Variants in SLC25A13 observed in about 807,000 individuals in gnomAD.
SLC25A13 encodes the protein solute carrier family 25 member 13, also known as electrogenic aspartate/glutamate antiporter SLC25A13, mitochondrial.
A neutral mutation model predicts 85.5 loss-of-function variants in SLC25A13; 70 were observed. The ratio of observed to expected loss-of-function variants is 0.82; its 90% CI spans 0.68 to 1.00. SLC25A13 has a LOEUF of 1.00. SLC25A13 is among the 50% of genes least tolerant of loss of function. The pLI is 0.00. For synonymous variants in SLC25A13, 259 were observed against 288.7 expected, an observed-to-expected ratio of 0.90 and a Z score of 1.04; for missense variants, 765 against 819.8, an observed-to-expected ratio of 0.93 and a Z score of 0.82.
At chr7:96,136,995 T>A (rs934252123) in intron 14 of SLC25A13, among the ~76,000 whole-genome samples, 1 of 152,300 alleles carries the variant, frequency 6.6e-6, no homozygotes, top group Middle Eastern at 3.4e-3. Context: ...TTATTTGGCA[T>A]GTATAATTAT....
At chr7:96,238,968 A>G (rs1193862761) in intron 3 of SLC25A13, among the ~76,000 whole-genome samples, 1 of 149,152 alleles carries the variant, frequency 6.7e-6, no homozygotes, top group Non-Finnish European at 1.5e-5. Context: ...AGGAGACCAT[A>G]TACATATGCA....
chr7:96,272,692 CT>C (rs1443798606), intron 3 of SLC25A13, among the ~76,000 whole-genome samples: 1 of 152,158 alleles, frequency 6.6e-6, no homozygotes, highest in Non-Finnish European at 1.5e-5. Context: ...TAAGGGCATA[CT>C]GGTAATGGAG....
chr7:96,158,408 T>C (rs1008791112), intron 13 of SLC25A13, among the ~76,000 whole-genome samples: 4 of 152,222 alleles, frequency 2.6e-5, no homozygotes, highest in Admixed American at 6.5e-5. Context: ...ATTTCAACTA[T>C]ATTTTAAACT....
chr7:96,145,028 A>G (rs927026591), intron 14 of SLC25A13, among the ~76,000 whole-genome samples: 1 of 152,156 alleles, frequency 6.6e-6, no homozygotes, highest in Non-Finnish European at 1.5e-5. Context: ...AAATTGATCA[A>G]TGCTATGCCT....
chr7:96,192,023 A>G (rs1794873965), intron 6 of SLC25A13, among the ~76,000 whole-genome samples: 1 of 152,226 alleles, frequency 6.6e-6, no homozygotes, highest in Non-Finnish European at 1.5e-5. Flanking sequence ...TAACAACCAC[A>G]TAAATCTTCA....
chr7:96,297,686 C>G (rs1405850608), intron 1 of SLC25A13, among the ~76,000 whole-genome samples: 10 of 152,082 alleles, frequency 6.6e-5, no homozygotes, highest in Admixed American at 6.6e-4. Flanking sequence ...CATATTAACT[C>G]AAGGGAGTTA....
rs56203026 is a variant in SLC25A13 at position 96,307,140 on chromosome 7, T to TAA, written c.16-10191_16-10190dup. Among the ~76,000 whole-genome samples the TAA allele has an allele frequency of 1.8e-3, 267 of 149,202 alleles. 1 individual carries two copies. The highest frequency in any genetic ancestry group is 0.014 in the Middle Eastern group (4 of 286). On this transcript the variant is annotated intron_variant, in intron 1 of 17. Transcript: ENST00000265631. ...AAAGTATAAAGGTAGCTTTGTAATT[T>TAA]AAAAAAAAAAATAAAGAAAATTAAG...
chr7:96,177,368 T>G (rs1206780376), intron 11 of SLC25A13, among the ~76,000 whole-genome samples: 1 of 152,152 alleles, frequency 6.6e-6, no homozygotes, highest in East Asian at 1.9e-4. Flanking sequence ...AATATTATAG[T>G]TAAAAACTTA....
chr7:96,126,409 G>T (rs1336198024), intron 15 of SLC25A13, among the ~76,000 whole-genome samples: 1 of 152,108 alleles, frequency 6.6e-6, no homozygotes, highest in Non-Finnish European at 1.5e-5. Context: ...ATCCTCTCTA[G>T]GGAAGTGGTC....
intron 3 of SLC25A13, among the ~76,000 whole-genome samples, chr7:96,252,619 C>A (rs556193737): frequency 6.6e-6 from 1 of 152,262 alleles, no homozygotes; most frequent in Admixed American, 6.5e-5. Context: ...CCAGTGAGGT[C>A]TGAGGGATGC....
At chr7:96,247,077 T>C (rs1797219088) in intron 3 of SLC25A13, among the ~76,000 whole-genome samples, 1 of 152,216 alleles carries the variant, frequency 6.6e-6, no homozygotes, top group South Asian at 2.1e-4. Flanking sequence ...GTCAATTACA[T>C]GTGTGGTTCT....
At chr7:96,292,961 T>C (rs568667794) in intron 2 of SLC25A13, among the ~76,000 whole-genome samples, 8 of 152,166 alleles carry the variant, frequency 5.3e-5, no homozygotes, top group Non-Finnish European at 1.2e-4. Context: ...AAAAAGAGCC[T>C]GCATTGCCAA....
At chr7:96,196,363 T>TA (rs1795062731) in intron 5 of SLC25A13, among the ~76,000 whole-genome samples, 1 of 152,166 alleles carries the variant, frequency 6.6e-6, no homozygotes, top group South Asian at 2.1e-4. Context: ...CTCAACATCT[T>TA]AGAGATCCTC....
chr7:96,138,281 C>T (rs1403753942), intron 14 of SLC25A13, among the ~76,000 whole-genome samples: 1 of 152,128 alleles, frequency 6.6e-6, no homozygotes, highest in Admixed American at 6.5e-5. Flanking sequence ...CTTTTTTTCT[C>T]TGGCCACTAA....
rs116459635 is a variant in SLC25A13, at chr7:96,237,695, A to G, written c.213-2778T>C. 4.1e-3 allele frequency among the ~76,000 whole-genome samples: 622 copies of G among 152,312 alleles called. 7 individuals are homozygous for G. Among genetic ancestry groups the G allele is most frequent in the African/African-American group, 0.014 (584 of 41,558 alleles). On this transcript the variant is annotated intron_variant, in intron 3 of 17. Coordinates refer to ENST00000265631, the MANE Select transcript of SLC25A13 (RefSeq NM_014251.3). ...GGGGCCCTAGGAATGGAAGCAGAAG[A>G]AAGGCTAGAGAAACACAGCAGAGGC...
At chr7:96,235,814 C>T (rs545776928) in intron 3 of SLC25A13, among the ~76,000 whole-genome samples, 7 of 152,212 alleles carry the variant, frequency 4.6e-5, no homozygotes, top group African/African-American at 1.4e-4. Context: ...TTTAACTTTC[C>T]GAAGGTCAAA....
chr7:96,303,257 C>T (rs941975717), intron 1 of SLC25A13, among the ~76,000 whole-genome samples: 1 of 152,136 alleles, frequency 6.6e-6, no homozygotes, highest in African/African-American at 2.4e-5. Context: ...CAGACTTACA[C>T]TGAAAATTCT....
At chr7:96,152,941 A>T (rs952143077) in intron 13 of SLC25A13, among the ~76,000 whole-genome samples, 2 of 152,216 alleles carry the variant, frequency 1.3e-5, no homozygotes, top group Non-Finnish European at 2.9e-5. Flanking sequence ...TTGCAGGGGA[A>T]GGGAAAGTGA....
intron 1 of SLC25A13, among the ~76,000 whole-genome samples, chr7:96,317,792 T>A (rs963679555): frequency 1.2e-4 from 16 of 134,394 alleles, no homozygotes; most frequent in African/African-American, 3.9e-4. Context: ...ATTTTATTAT[T>A]TTATTTTACT....
Sources: allele counts gnomAD v4.1 joint callset (sites outside exome capture counted in the v4.1 genomes callset), GRCh38; gene constraint gnomAD v4.1.1; transcripts MANE v1.5; gene names NCBI Gene and HGNC (gene_info 2026-07-23, HGNC 2026-07-21).